The following C1orf87 variants were observed in gnomAD, a reference collection of about 807,000 sequenced individuals.
C1orf87 encodes chromosome 1 open reading frame 87, also known as uncharacterized protein C1orf87.
In C1orf87, 58 loss-of-function variants were observed where a neutral mutation model predicts 60.5. The ratio of observed to expected loss-of-function variants is 0.96; its 90% CI spans 0.78 to 1.19. The LOEUF (loss-of-function observed/expected upper bound fraction) is 1.19. Ranked by LOEUF, C1orf87 falls within the 50% of genes most tolerant of loss-of-function variation. The pLI is 0.00. For missense variants in C1orf87, 673 were observed against 638.6 expected (o/e 1.05, Z -0.58); for synonymous variants, 236 against 227.4 (o/e 1.04, Z -0.34).
intron 11 of C1orf87, among the ~76,000 whole-genome samples, chr1:59,992,877 C>T (rs1343344825): frequency 6.6e-6 from 1 of 152,142 alleles, no homozygotes; most frequent in East Asian, 1.9e-4. Flanking sequence ...TTGTTCATTG[C>T]CTATTTATTG....
intron 4 of C1orf87, among the ~76,000 whole-genome samples, 184 bp from the exon 5 acceptor site, chr1:60,040,364 C>G (rs913497747): frequency 6.6e-6 from 1 of 152,252 alleles, no homozygotes; most frequent in Non-Finnish European, 1.5e-5. Context: ...ATTTACAATG[C>G]ATCAGCTCTC....
At chr1:60,067,820 T>G (rs555528900) in intron 2 of C1orf87, among the ~76,000 whole-genome samples, 29 of 152,228 alleles carry the variant, frequency 1.9e-4, no homozygotes, top group African/African-American at 6.7e-4. Flanking sequence ...TGAAGGGTAT[T>G]GCCTAGGTTT....
intron 7 of C1orf87, among the ~76,000 whole-genome samples, chr1:60,029,529 T>C (rs1406489548): frequency 1.3e-5 from 2 of 152,120 alleles, no homozygotes; most frequent in African/African-American, 4.8e-5. Context: ...TAAAGTTGAC[T>C]TGAGCAGGAC....
chr1:60,009,560 T>C (rs1307604052), intron 9 of C1orf87, among the ~76,000 whole-genome samples: 1 of 152,034 alleles, frequency 6.6e-6, no homozygotes, highest in African/African-American at 2.4e-5. Context: ...TTCCCTCTGC[T>C]TGAAATACCT....
At chr1:60,009,938 T>C (rs1645071440) in intron 9 of C1orf87, among the ~76,000 whole-genome samples, 1 of 151,970 alleles carries the variant, frequency 6.6e-6, no homozygotes, top group Non-Finnish European at 1.5e-5. Context: ...CCACGAAGGA[T>C]CTTTCTGCTA....
intron 3 of C1orf87, among the ~76,000 whole-genome samples, chr1:60,050,852 G>A (rs1645409252): frequency 6.6e-6 from 1 of 152,116 alleles, no homozygotes; most frequent in African/African-American, 2.4e-5. Flanking sequence ...TAGACTTGTG[G>A]AAGGAGACAG....
At chr1:59,997,515 A>G in intron 11 of C1orf87, 94 bp downstream of exon 11, 1 of 1,087,804 alleles carries the variant, frequency 9.2e-7, no homozygotes, top group Non-Finnish European at 1.4e-6. Context: ...TATTAATTGT[A>G]TCATTTGTTC....
intron 8 of C1orf87, among the ~76,000 whole-genome samples, chr1:60,013,672 T>C (rs2100261118): frequency 6.6e-6 from 1 of 151,660 alleles, no homozygotes; most frequent in South Asian, 2.1e-4. Flanking sequence ...TTTTGTAGTG[T>C]ATATTTGCTT....
At chr1:60,068,467 C>G (rs1188506076) in intron 2 of C1orf87, among the ~76,000 whole-genome samples, 2 of 152,156 alleles carry the variant, frequency 1.3e-5, no homozygotes, top group Non-Finnish European at 2.9e-5. Context: ...CACAAATCCT[C>G]CCCACCTCCA....
At chr1:60,051,651 C>T (rs768426826) in intron 3 of C1orf87, among the ~76,000 whole-genome samples, 34 of 152,166 alleles carry the variant, frequency 2.2e-4, no homozygotes, top group Middle Eastern at 3.4e-3. Flanking sequence ...TGATTTGTTA[C>T]GCAGCAGTAT....
intron 6 of C1orf87, among the ~76,000 whole-genome samples, chr1:60,034,501 T>C (rs1001829445): frequency 5.9e-5 from 9 of 152,162 alleles, no homozygotes; most frequent in African/African-American, 2.2e-4. Flanking sequence ...CTAAATTGGG[T>C]TTCTTTCAGT....
intron 2 of C1orf87, among the ~76,000 whole-genome samples, chr1:60,060,090 C>CT (rs551034497): frequency 0.041 from 5,929 of 142,880 alleles, 163 homozygotes; most frequent in South Asian, 0.086. Flanking sequence ...GTTTCTTTTT[C>CT]TTTTTTTTTT....
intron 11 of C1orf87, among the ~76,000 whole-genome samples, chr1:59,992,085 A>G (rs1644927715): frequency 6.6e-6 from 1 of 152,092 alleles, no homozygotes; most frequent in African/African-American, 2.4e-5. Context: ...CACCAATATT[A>G]ACTAATTGAA....
chr1:60,048,274 GC>G (rs1645387777), intron 3 of C1orf87, among the ~76,000 whole-genome samples: 1 of 152,194 alleles, frequency 6.6e-6, no homozygotes, highest in Non-Finnish European at 1.5e-5. Context: ...TGTGGACACA[GC>G]CAGGAGGCCT....
At chr1:60,026,836 A>G (rs1645201320) in intron 7 of C1orf87, among the ~76,000 whole-genome samples, 1 of 152,218 alleles carries the variant, frequency 6.6e-6, no homozygotes, top group Non-Finnish European at 1.5e-5. Context: ...AATTCTACAC[A>G]TTTGTATTTA....
chr1:60,041,118 G>T lies in C1orf87; in HGVS notation c.356C>A (p.Ala119Glu), dbSNP rs1645321707. The change falls in exon 4 of 12, where the codon GCA (alanine) becomes GAA (glutamate). Residue 119 changes from alanine to glutamate, a missense_variant. Ala to Glu is a moderately radical substitution (Grantham distance 107). Coordinates refer to ENST00000371201, the MANE Select transcript of C1orf87 (RefSeq NM_152377.3). ...TGGTACAGAGCTGCAGTGGACATTT[G>T]CTTGACTGGGAATCTTAACAGAACA... Reference protein sequence around the residue: ...RFLDGNIPSQANVHCSSVPTG... With the variant: ...RFLDGNIPSQENVHCSSVPTG... 1 of 1,579,804 alleles carries T rather than the reference G, an allele frequency of 6.3e-7. No homozygotes were observed. The highest frequency in any genetic ancestry group is 1.1e-5 in the South Asian group (1 of 87,288).
At chr1:59,995,336 A>G (rs1644956081) in intron 11 of C1orf87, among the ~76,000 whole-genome samples, 1 of 151,888 alleles carries the variant, frequency 6.6e-6, no homozygotes, top group Admixed American at 6.6e-5. Flanking sequence ...TAATCTTTTC[A>G]TCTCCTTCTC....
intron 6 of C1orf87, among the ~76,000 whole-genome samples, chr1:60,036,330 A>G (rs1645277006): frequency 6.6e-6 from 1 of 152,200 alleles, no homozygotes; most frequent in Non-Finnish European, 1.5e-5. Context: ...CTGTTGGCCC[A>G]AGGACATTTT....
rs1370479178 is a variant in C1orf87, at chr1:60,033,528, A to G, written c.977T>C (p.Leu326Pro). Reference sequence around the variant, plus strand: ...CGAGCGATCTTCTTTTCGAAAACTCAGATTGAGATTGTCTATGTTGAGTCT... The same window carrying G: ...CGAGCGATCTTCTTTTCGAAAACTCGGATTGAGATTGTCTATGTTGAGTCT... ...NGRLNIDNLN[L>P]SFRKEDRSFS... Residue 326 changes from leucine (L) to proline (P), a missense_variant, in exon 7 of 12, where the codon CTG (leucine) becomes CCG (proline). By Grantham distance (98) the Leu-to-Pro change is moderately conservative. Coordinates refer to ENST00000371201, the MANE Select transcript of C1orf87 (RefSeq NM_152377.3). 3 of 1,613,964 alleles carry G rather than the reference A, an allele frequency of 1.9e-6. No homozygotes were observed. Among genetic ancestry groups the G allele is most frequent in the Non-Finnish European group, 2.5e-6 (3 of 1,179,924 alleles).
Sources: gnomAD v4.1 joint callset for allele counts (sites outside exome capture counted in the v4.1 genomes callset) on GRCh38, gnomAD v4.1.1 for gene constraint, MANE v1.5 for transcripts, NCBI Gene and HGNC (gene_info 2026-07-23, HGNC 2026-07-21) for gene names.